EPHX1: variants seen among roughly 807,000 people sequenced by gnomAD.
The protein encoded by EPHX1 is epoxide hydrolase 1.
Under a neutral mutation model 43.2 loss-of-function variants are expected in EPHX1, and 40 were observed. That is an observed-to-expected ratio of 0.93 (90% CI 0.72 to 1.21). The LOEUF is 1.21. Ranked by LOEUF, EPHX1 falls within the 50% of genes most tolerant of loss-of-function variation. EPHX1 has a pLI of 0.00. For missense variants in EPHX1, 550 were observed against 570.4 expected (o/e 0.96, Z 0.36); for synonymous variants, 221 against 226.7 (o/e 0.98, Z 0.22).
chr1:225,821,565 CTTTTTTTTTTT>C (rs869228485), intron 1 of EPHX1, among the ~76,000 whole-genome samples: 5 of 69,866 alleles, frequency 7.2e-5, no homozygotes, highest in Admixed American at 1.8e-4. Flanking sequence ...TTTTTTGGTT[CTTTTTTTTTTT>C]TTTTTTTTTT....
chr1:225,838,289 T>G (rs1273119751), intron 3 of EPHX1, among the ~76,000 whole-genome samples: 1 of 152,240 alleles, frequency 6.6e-6, no homozygotes, highest in Non-Finnish European at 1.5e-5. Context: ...CCTCCAGATT[T>G]TAAATTATTG....
intron 6 of EPHX1, 120 bp from the exon 7 acceptor site, chr1:225,842,246 C>G (rs566154688): frequency 5.1e-6 from 4 of 778,658 alleles, no homozygotes; most frequent in African/African-American, 1.7e-5. Flanking sequence ...GGCCTGTGCT[C>G]GAACGTGGCT....
At chr1:225,825,945 ATCT>A (rs2102706728) in intron 1 of EPHX1, among the ~76,000 whole-genome samples, 1 of 152,256 alleles carries the variant, frequency 6.6e-6, no homozygotes, top group Non-Finnish European at 1.5e-5. Flanking sequence ...ACTTTTCTCC[ATCT>A]TCTTAAAGGG....
rs1351994335 is a variant in EPHX1, at chr1:225,842,436, T to C, written c.1002T>C (p.Asn334=). ...YILEKFSTWT[N]TEFRYLEDGG... ...TAGAGAAGTTTTCCACCTGGACCAA[T>C]ACGGAATTCCGATACCTGGAGGATG... Residue 334 remains asparagine, a synonymous_variant, in exon 7 of 9, where the codon AAT becomes AAC. Transcript: ENST00000272167. 5 of 1,614,044 alleles carry C rather than the reference T, an allele frequency of 3.1e-6. No individual in the cohort carries two copies. Among genetic ancestry groups the C allele is most frequent in the Admixed American group, 3.3e-5 (2 of 60,030 alleles).
At chr1:225,823,610 G>C (rs775893084) in intron 1 of EPHX1, among the ~76,000 whole-genome samples, 1 of 152,206 alleles carries the variant, frequency 6.6e-6, no homozygotes. Flanking sequence ...CCACCCGGTG[G>C]ATGTAGGGGT....
At chr1:225,819,725 C>A (rs559130994) in intron 1 of EPHX1, among the ~76,000 whole-genome samples, 73 of 152,216 alleles carry the variant, frequency 4.8e-4, no homozygotes, top group African/African-American at 1.8e-3. Context: ...GATCACAGTG[C>A]GATTTCAGAT....
At chr1:225,834,438 C>T (rs1667846803) in intron 3 of EPHX1, among the ~76,000 whole-genome samples, 1 of 151,926 alleles carries the variant, frequency 6.6e-6, no homozygotes, top group Non-Finnish European at 1.5e-5. Context: ...TGGACGGAAA[C>T]CTCGACTTGG....
Position 225,844,761 on chromosome 1 carries a change from G to C in EPHX1, c.1166+138G>C, listed in dbSNP as rs544781291. ...AGGTGCCCCAGGGGCCCTTGGATGG[G>C]AACACTAAAGGTCGAGGTGTTTGGA... On this transcript the variant is annotated intron_variant, in intron 8 of 8. Transcript: ENST00000272167. 49 of 1,384,142 alleles carry C rather than the reference G, an allele frequency of 3.5e-5. No individual in the cohort carries two copies. In the South Asian group the frequency reaches 6.3e-4, roughly 18 times the overall value. 85.7% of individuals were successfully genotyped at this position (1,384,142 alleles called of 1,614,324 possible).
In EPHX1 at chr1:225,829,978, T is replaced by C. The variant is rs560589208; in HGVS notation, c.183+1066T>C. The stretch of plus-strand genomic sequence containing the variant: ...TAATAATCCCAGCTACTCGGGAGGC[T>C]GAGGCAGGAGAATCCCTTGAACCCA... On this transcript the variant is annotated intron_variant, in intron 2 of 8. Transcript: ENST00000272167. 1.3e-4 allele frequency among the ~76,000 whole-genome samples: 20 copies of C among 152,152 alleles called. No homozygotes were observed. In the South Asian group the frequency reaches 3.9e-3, roughly 30 times the overall value.
In EPHX1 at chr1:225,845,250, C is replaced by T; in HGVS notation, c.1271C>T (p.Ser424Phe). 6.2e-7 allele frequency: 1 copy of T among 1,614,044 alleles called. No individual in the cohort carries two copies. ...AAGTACCCAAAGCTCATCTCCTATT[C>T]CTACATGGTTCGTGGGGGCCACTTT... ...RFKYPKLISY[S>F]YMVRGGHFAA... is the part of the protein sequence containing the mutation. The change falls in exon 9 of 9, where the codon TCC (serine) becomes TTC (phenylalanine). Residue 424 changes from serine to phenylalanine, a missense_variant. Transcript: ENST00000272167.
Position 225,838,757 on chromosome 1 carries a change from G to A in EPHX1, c.468G>A (p.Glu156=). 2 of 1,614,182 alleles carry A rather than the reference G, an allele frequency of 1.2e-6. No individual in the cohort carries two copies. Among genetic ancestry groups the A allele is most frequent in the Non-Finnish European group, 8.5e-7 (1 of 1,180,044 alleles). The change falls in exon 4 of 9, where the codon GAG becomes GAA. Residue 156 remains glutamate (E), a synonymous_variant. Transcript: ENST00000272167. The part of the protein sequence containing the change: ...MVHGWPGSFY[E]FYKIIPLLTD... ...ACGGCTGGCCCGGCTCTTTCTACGAGTTTTATAAGATCATCCCACTCCTGA... is the reference window on the plus strand; with the variant it reads ...ACGGCTGGCCCGGCTCTTTCTACGAATTTTATAAGATCATCCCACTCCTGA...
intron 2 of EPHX1, among the ~76,000 whole-genome samples, chr1:225,829,340 T>C (rs574406018): frequency 2.0e-5 from 3 of 152,356 alleles, no homozygotes; most frequent in South Asian, 4.1e-4. Flanking sequence ...CAGCCATTCC[T>C]GGTCACATTC....
intron 1 of EPHX1, among the ~76,000 whole-genome samples, chr1:225,813,820 C>T (rs1035801108): frequency 1.3e-5 from 2 of 152,064 alleles, no homozygotes; most frequent in Non-Finnish European, 2.9e-5. Context: ...ATGGTCCAGC[C>T]CCCGCACAGC....
chr1:225,842,187 G>A (rs1018078410), intron 6 of EPHX1, among the ~76,000 whole-genome samples, 179 bp from the exon 7 acceptor site: 3 of 152,204 alleles, frequency 2.0e-5, no homozygotes, highest in Non-Finnish European at 2.9e-5. Flanking sequence ...TGAGGATGCC[G>A]AGGCAGAGTT....
chr1:225,822,015 G>C (rs1304575699), intron 1 of EPHX1, among the ~76,000 whole-genome samples: 1 of 152,114 alleles, frequency 6.6e-6, no homozygotes, highest in African/African-American at 2.4e-5. Context: ...CATCTTTGAA[G>C]GGTAAAGACC....
intron 1 of EPHX1, among the ~76,000 whole-genome samples, chr1:225,819,528 T>G (rs113123239): frequency 6.6e-6 from 1 of 152,178 alleles, no homozygotes; most frequent in African/African-American, 2.4e-5. Context: ...GAACCTGGGC[T>G]GGGTTGGAGA....
At chr1:225,840,455 A>G (rs988563765) in intron 6 of EPHX1, among the ~76,000 whole-genome samples, 7 of 152,204 alleles carry the variant, frequency 4.6e-5, no homozygotes, top group Non-Finnish European at 1.5e-5. Flanking sequence ...CCCAGCAACC[A>G]TGTCTGCCAC....
chr1:225,824,309 G>A (rs1667125466), intron 1 of EPHX1, among the ~76,000 whole-genome samples: 1 of 152,212 alleles, frequency 6.6e-6, no homozygotes, highest in African/African-American at 2.4e-5. Flanking sequence ...AACAGGTGCT[G>A]AGAGGGAACA....
Position 225,838,734 on chromosome 1 carries a change from G to C in EPHX1, c.445G>C (p.Gly149Arg). The change falls in exon 4 of 9, where the codon GGC (glycine) becomes CGC (arginine). Residue 149 changes from glycine (G) to arginine (R), a missense_variant. Gly to Arg is a moderately radical substitution (Grantham distance 125). Coordinates refer to ENST00000272167, the MANE Select transcript of EPHX1 (RefSeq NM_001136018.4). ...HTPKPLLMVHGWPGSFYEFYK... is the reference protein window; with the variant it reads ...HTPKPLLMVHRWPGSFYEFYK... Reference sequence around the variant, plus strand: ...CCCGAAGCCCTTGCTGATGGTGCACGGCTGGCCCGGCTCTTTCTACGAGTT... The same window carrying C: ...CCCGAAGCCCTTGCTGATGGTGCACCGCTGGCCCGGCTCTTTCTACGAGTT... The C allele has an allele frequency of 6.2e-7, 1 of 1,614,150 alleles. No homozygotes were observed.
Sources: gnomAD v4.1 joint callset for allele counts (sites outside exome capture counted in the v4.1 genomes callset) on GRCh38, gnomAD v4.1.1 for gene constraint, MANE v1.5 for transcripts, NCBI Gene and HGNC (gene_info 2026-07-23, HGNC 2026-07-21) for gene names.